Variants in GNAI3 observed in about 807,000 individuals in gnomAD.
GNAI3 encodes the protein guanine nucleotide-binding protein G(i) subunit alpha-3.
GNAI3 carries 12 observed loss-of-function variants against 41.8 expected under a neutral mutation model. That is an observed-to-expected ratio of 0.29 (90% confidence interval 0.18 to 0.47). The LOEUF (loss-of-function observed/expected upper bound fraction) is 0.47. GNAI3 is among the 20% of genes least tolerant of loss of function. The pLI, the probability that GNAI3 is intolerant of heterozygous loss-of-function variation, is 1.00. For synonymous variants in GNAI3, 132 were observed against 146.5 expected (o/e 0.90, Z 0.71); for missense variants, 360 against 429.6 (o/e 0.84, Z 1.43).
At position 109,595,332 on chromosome 1, in the gene GNAI3, A is replaced by C. The variant is rs1013014639; in HGVS notation, c.*3010A>C. ...AACTTTAACAATTACTCATAAGTGG[A>C]TCTTGAGATGACATTTTCATCTTGG... On this transcript the variant is annotated 3_prime_UTR_variant, in exon 9 of 9. Coordinates refer to ENST00000369851, the MANE Select transcript of GNAI3 (RefSeq NM_006496.4). The C allele has an allele frequency of 1.3e-5, 2 of 152,216 alleles. No individual in the cohort carries two copies. The highest frequency in any genetic ancestry group is 2.9e-5 in the Non-Finnish European group (2 of 68,032). The allele number at this position is 152,216 out of a possible 1,614,324, so 9.4% of individuals were successfully genotyped here.
intron 3 of GNAI3, among the ~76,000 whole-genome samples, chr1:109,575,166 A>G (rs1242165213): frequency 6.6e-6 from 1 of 152,220 alleles, no homozygotes; most frequent in Non-Finnish European, 1.5e-5. Context: ...GCATCTGAGC[A>G]GGGAAGTTTG....
intron 1 of GNAI3, among the ~76,000 whole-genome samples, chr1:109,569,143 AT>A (rs1161395756): frequency 5.9e-5 from 9 of 152,228 alleles, no homozygotes; most frequent in African/African-American, 2.2e-4. Flanking sequence ...TCCTACTTAT[AT>A]AGGATATCCT....
In GNAI3 at chr1:109,598,012, T is replaced by G. The variant is rs1462499717; in HGVS notation, c.*5690T>G. ...CCAGAAATAATCAAATAATAAATAT[T>G]AATACACTGCTGGGATAGAAGTATC... is the stretch of plus-strand genomic sequence containing the variant. On this transcript the variant is annotated 3_prime_UTR_variant, in exon 9 of 9. Coordinates refer to ENST00000369851, the MANE Select transcript of GNAI3 (RefSeq NM_006496.4). 1 of 152,214 alleles carries G rather than the reference T, an allele frequency of 6.6e-6. No homozygotes were observed. The highest frequency in any genetic ancestry group is 1.5e-5 in the Non-Finnish European group (1 of 68,042). The allele number at this position is 152,214 out of a possible 1,614,324, so 9.4% of individuals were successfully genotyped here.
At chr1:109,562,954 C>T (rs749015131) in intron 1 of GNAI3, among the ~76,000 whole-genome samples, 8 of 152,100 alleles carry the variant, frequency 5.3e-5, no homozygotes, top group Non-Finnish European at 1.2e-4. Context: ...GTTACAGTTG[C>T]TTGTGTCAGT....
At chr1:109,586,540 C>A (rs940439028) in intron 6 of GNAI3, among the ~76,000 whole-genome samples, 189 bp from the exon 7 acceptor site, 1 of 152,156 alleles carries the variant, frequency 6.6e-6, no homozygotes, top group Non-Finnish European at 1.5e-5. Flanking sequence ...TTAGCCAGCC[C>A]TTCCTCCTAC....
At chr1:109,571,927 A>C (rs1648613759) in intron 1 of GNAI3, among the ~76,000 whole-genome samples, 1 of 151,516 alleles carries the variant, frequency 6.6e-6, no homozygotes, top group South Asian at 2.1e-4. Flanking sequence ...CCAAAAAATA[A>C]AGACCATGAG....
At chr1:109,575,373 G>T (rs1229796590) in intron 3 of GNAI3, among the ~76,000 whole-genome samples, 1 of 151,350 alleles carries the variant, frequency 6.6e-6, no homozygotes, top group Non-Finnish European at 1.5e-5. Flanking sequence ...GTTGTATCTG[G>T]TAACTGGTCA....
chr1:109,563,279 G>T (rs1410071811), intron 1 of GNAI3, among the ~76,000 whole-genome samples: 1 of 152,224 alleles, frequency 6.6e-6, no homozygotes, highest in Non-Finnish European at 1.5e-5. Context: ...TACTCCAGAG[G>T]CTGAGGGGGA....
At chr1:109,581,070 T>G (rs1490950934) in intron 4 of GNAI3, among the ~76,000 whole-genome samples, 1 of 152,194 alleles carries the variant, frequency 6.6e-6, no homozygotes, top group Non-Finnish European at 1.5e-5. Context: ...ATAGAGATTT[T>G]CATAACTGTT....
At chr1:109,564,719 A>G (rs1470821111) in intron 1 of GNAI3, among the ~76,000 whole-genome samples, 1 of 152,180 alleles carries the variant, frequency 6.6e-6, no homozygotes, top group Non-Finnish European at 1.5e-5. Flanking sequence ...GTCACAGGAA[A>G]GGTTGTGGCC....
chr1:109,558,019 T>C (rs1226197205), intron 1 of GNAI3, among the ~76,000 whole-genome samples: 3 of 152,186 alleles, frequency 2.0e-5, no homozygotes, highest in Admixed American at 6.5e-5. Flanking sequence ...CATGGGAGTA[T>C]TGAGGAACTA....
rs574377318 is a variant in GNAI3 at position 109,586,933 on chromosome 1, A to T, written c.874+51A>T. On this transcript the variant is annotated intron_variant, in intron 7 of 8. Transcript: ENST00000369851. ...GGAGGTACACATCTTACTTAGATCA[A>T]CACTTTGGTGGCATTCATAAAACTG... 3.0e-5 allele frequency: 38 copies of T among 1,261,662 alleles called. No individual in the cohort carries two copies. The East Asian group carries it at 8.9e-4, about 29-fold the overall frequency. 78.2% of individuals were successfully genotyped at this position (1,261,662 alleles called of 1,614,324 possible).
chr1:109,594,776 C>A lies in GNAI3; in HGVS notation c.*2454C>A, dbSNP rs1649255048. 1 of 151,574 alleles carries A rather than the reference C, an allele frequency of 6.6e-6. No individual in the cohort carries two copies. Among genetic ancestry groups the A allele is most frequent in the African/African-American group, 2.4e-5 (1 of 41,214 alleles). The allele number at this position is 151,574 out of a possible 1,614,324, so 9.4% of individuals were successfully genotyped here. On this transcript the variant is annotated 3_prime_UTR_variant, in exon 9 of 9. Coordinates refer to ENST00000369851, the MANE Select transcript of GNAI3 (RefSeq NM_006496.4). ...CATGCTATTCTCCTGCTGGGACTAC[C>A]AGGTTCCTGCCACCACGCCCAGCTA...
At chr1:109,580,429 T>C (rs1249952974) in intron 4 of GNAI3, among the ~76,000 whole-genome samples, 1 of 152,212 alleles carries the variant, frequency 6.6e-6, no homozygotes, top group Non-Finnish European at 1.5e-5. Flanking sequence ...TTTCCTACTT[T>C]TCACGTCATG....
At chr1:109,552,770 G>A (rs1475615976) in intron 1 of GNAI3, among the ~76,000 whole-genome samples, 1 of 150,950 alleles carries the variant, frequency 6.6e-6, no homozygotes, top group Non-Finnish European at 1.5e-5. Flanking sequence ...TTTTCACCAA[G>A]CTCTTTCAGC....
At chr1:109,579,101 C>A in intron 3 of GNAI3, 103 bp from the exon 4 acceptor site, 1 of 907,812 alleles carries the variant, frequency 1.1e-6, no homozygotes. Context: ...GTAACAACAC[C>A]TCTTTTAACA....
chr1:109,571,947 C>T (rs1648614011), intron 1 of GNAI3, among the ~76,000 whole-genome samples: 1 of 151,724 alleles, frequency 6.6e-6, no homozygotes, highest in African/African-American at 2.4e-5. Context: ...GATTAGATAA[C>T]TTAGAGAATG....
intron 1 of GNAI3, among the ~76,000 whole-genome samples, chr1:109,569,244 C>G (rs905838023): frequency 6.6e-6 from 1 of 152,154 alleles, no homozygotes; most frequent in Admixed American, 6.6e-5. Flanking sequence ...TATCCTAACC[C>G]CCTGCATAGT....
rs1649341637 is a variant in GNAI3 at position 109,597,674 on chromosome 1, A to C, written c.*5352A>C. The C allele has an allele frequency of 6.6e-6, 1 of 152,138 alleles. No homozygotes were observed. 9.4% of individuals were successfully genotyped at this position (152,138 alleles called of 1,614,324 possible). ...GATACAGAGTATTTAGTTTTATACA[A>C]AATTAAGACAACAAGAAACCTAGGA... On this transcript the variant is annotated 3_prime_UTR_variant, in exon 9 of 9. Transcript: ENST00000369851.
Sources: allele counts gnomAD v4.1 joint callset (sites outside exome capture counted in the v4.1 genomes callset), GRCh38; gene constraint gnomAD v4.1.1; transcripts MANE v1.5; gene names NCBI Gene and HGNC (gene_info 2026-07-23, HGNC 2026-07-21).